Variants in SEPTIN8 observed in about 807,000 individuals in gnomAD.
SEPTIN8 encodes the protein septin-8.
In SEPTIN8, 22 loss-of-function variants were observed where a neutral mutation model predicts 53.1. That is an observed-to-expected ratio of 0.41 (90% CI 0.30 to 0.59). The LOEUF (loss-of-function observed/expected upper bound fraction) is 0.59, where lower values mean the gene tolerates loss of function less well. Among genes scored for constraint, SEPTIN8 ranks in the 20% least tolerant of loss-of-function variants. SEPTIN8 has a pLI of 0.24. For synonymous variants in SEPTIN8, 228 were observed against 248.4 expected (o/e 0.92, Z 0.77); for missense variants, 536 against 638.7 (o/e 0.84, Z 1.73).
chr5:132,763,651 T>C, intron 4 of SEPTIN8, 55 bp downstream of exon 4: 1 of 1,537,258 alleles, frequency 6.5e-7, no homozygotes, highest in East Asian at 2.3e-5. Context: ...AGCCACCACA[T>C]CGCATCGCAG....
At position 132,762,605 on chromosome 5, in the gene SEPTIN8, G is replaced by C; in HGVS notation, c.575C>G (p.Ser192Cys). The change falls in exon 5 of 10, where the codon TCC becomes TGC. Residue 192 changes from serine to cysteine, a missense_variant. By Grantham distance (112) the Ser-to-Cys change is moderately radical. Coordinates refer to ENST00000378719, the MANE Select transcript of SEPTIN8 (RefSeq NM_001098811.2). ...CTTGAACTTGTGGAGCTCGCTCTTG[G>C]AGATGGTGTCAGCCTTGGCGATGAT... ...IPIIAKADTI[S>C]KSELHKFKIK... The C allele has an allele frequency of 6.2e-7, 1 of 1,614,250 alleles. No homozygotes were observed. The highest frequency in any genetic ancestry group is 1.1e-5 in the South Asian group (1 of 91,086).
Position 132,761,370 on chromosome 5 carries a change from G to A in SEPTIN8, c.962+88C>T. ...AATCATGTGGGCACGAGGGGTAAGA[G>A]GATGTGGGGTCCCTCAGGGAACAGA... On this transcript the variant is annotated intron_variant, in intron 7 of 9. Coordinates refer to ENST00000378719, the MANE Select transcript of SEPTIN8 (RefSeq NM_001098811.2). This position sits in a 1 kb window ranked among gnomAD's most constrained non-coding sequence, Gnocchi z 5.8. The A allele has an allele frequency of 1.3e-6, 2 of 1,588,166 alleles. No homozygotes were observed.
intron 9 of SEPTIN8, chr5:132,753,188 C>T (rs1755012807): frequency 3.8e-6 from 2 of 529,680 alleles, no homozygotes; most frequent in Non-Finnish European, 6.8e-6. Flanking sequence ...GTCTGATAGA[C>T]TATGACCCTG....
At chr5:132,777,804 G>A, upstream of SEPTIN8, 1 of 985,492 alleles carries the variant, frequency 1.0e-6, no homozygotes, top group Non-Finnish European at 1.2e-6. This position sits in a 1 kb window ranked among gnomAD's most constrained non-coding sequence, Gnocchi z 4.1. Flanking sequence ...CGGGACCCGC[G>A]CGTCCGGCCA....
upstream of SEPTIN8, chr5:132,777,680 G>A (rs1200247674): frequency 6.1e-6 from 6 of 985,578 alleles, no homozygotes; most frequent in Non-Finnish European, 7.2e-6. The surrounding 1 kb of genome is among the most constrained non-coding windows in gnomAD (Gnocchi z 4.1). Flanking sequence ...ACCAACCAGA[G>A]TGTGGACAAG....
At chr5:132,775,931 C>G (rs182836812) in intron 1 of SEPTIN8, 1 of 152,278 alleles carries the variant, frequency 6.6e-6, no homozygotes, top group East Asian at 1.9e-4. Context: ...ACACCCGAGT[C>G]TAGAAATTAT....
rs1396240551 is a variant in SEPTIN8 at position 132,776,740 on chromosome 5, G to T, written c.30+368C>A. Reference sequence around the variant, plus strand: ...GCTAGGACTCTTCCCCAAGTGTGCAGAAAGAAACACCCTGGGCGATAGGGT... The same window carrying T: ...GCTAGGACTCTTCCCCAAGTGTGCATAAAGAAACACCCTGGGCGATAGGGT... On this transcript the variant is annotated intron_variant, in intron 1 of 9. Transcript: ENST00000378719. The surrounding 1 kb of genome is among the most constrained non-coding windows in gnomAD (Gnocchi z 4.4). 6.6e-6 allele frequency among the ~76,000 whole-genome samples: 1 copy of T among 152,228 alleles called. No individual in the cohort carries two copies. The highest frequency in any genetic ancestry group is 6.5e-5 in the Admixed American group (1 of 15,292).
chr5:132,765,634 G>T, intron 1 of SEPTIN8, 105 bp from the exon 2 acceptor site: 1 of 1,332,718 alleles, frequency 7.5e-7, no homozygotes, highest in Non-Finnish European at 1.0e-6. Context: ...AGCCCCACCC[G>T]ATGTCTGAAT....
At chr5:132,778,084 C>A (rs572618615), upstream of SEPTIN8, 1 of 985,398 alleles carries the variant, frequency 1.0e-6, no homozygotes, top group Admixed American at 6.1e-5. Flanking sequence ...TTAACACTTA[C>A]GCCAGGGTCG....
At position 132,777,097 on chromosome 5, in the gene SEPTIN8, G is replaced by A; in HGVS notation, c.30+11C>T. 3.4e-6 allele frequency: 4 copies of A among 1,165,970 alleles called. No individual in the cohort carries two copies. Among genetic ancestry groups the A allele is most frequent in the Non-Finnish European group, 3.2e-6 (3 of 945,252 alleles). 72.2% of individuals were successfully genotyped at this position (1,165,970 alleles called of 1,614,324 possible). On this transcript the variant is annotated intron_variant, in intron 1 of 9. Transcript: ENST00000378719. The surrounding 1 kb of genome is among the most constrained non-coding windows in gnomAD (Gnocchi z 4.1). ...CCTCCCGCGCGCGCCGTGGCCCAGCGGGGCCCTCACCGAGAAGCGCTCCAG... is the reference window on the plus strand; with the variant it reads ...CCTCCCGCGCGCGCCGTGGCCCAGCAGGGCCCTCACCGAGAAGCGCTCCAG...
chr5:132,767,715 G>A (rs1367006466), intron 1 of SEPTIN8, among the ~76,000 whole-genome samples: 1 of 152,112 alleles, frequency 6.6e-6, no homozygotes, highest in Non-Finnish European at 1.5e-5. Context: ...TTTAGTCTCT[G>A]TTCCACCTCC....
At position 132,777,107 on chromosome 5, in the gene SEPTIN8, C is replaced by G; in HGVS notation, c.30+1G>C. 8.6e-7 allele frequency: 1 copy of G among 1,168,072 alleles called. No homozygotes were observed. Among genetic ancestry groups the G allele is most frequent in the Non-Finnish European group, 1.1e-6 (1 of 946,762 alleles). The allele number at this position is 1,168,072 out of a possible 1,614,324, so 72.4% of individuals were successfully genotyped here. A position where few individuals can be genotyped will look rare whatever the true frequency, so the allele number is the denominator to read the frequency against. Reference sequence around the variant, plus strand: ...GCGCCGTGGCCCAGCGGGGCCCTCACCGAGAAGCGCTCCAGGTCGGTGGCC... The same window carrying G: ...GCGCCGTGGCCCAGCGGGGCCCTCAGCGAGAAGCGCTCCAGGTCGGTGGCC... On this transcript the variant is annotated splice_donor_variant, in intron 1 of 9. Coordinates refer to ENST00000378719, the MANE Select transcript of SEPTIN8 (RefSeq NM_001098811.2). LOFTEE classifies it high-confidence loss of function. This position sits in a 1 kb window ranked among gnomAD's most constrained non-coding sequence, Gnocchi z 4.1.
chr5:132,765,339 G>T, intron 2 of SEPTIN8, 70 bp downstream of exon 2: 13 of 1,579,534 alleles, frequency 8.2e-6, no homozygotes, highest in Non-Finnish European at 8.6e-6. Context: ...CTCAACAGGG[G>T]GCCAGAAGCA....
At chr5:132,756,554 T>A in intron 9 of SEPTIN8, 1 of 985,468 alleles carries the variant, frequency 1.0e-6, no homozygotes, top group Non-Finnish European at 1.2e-6. Flanking sequence ...GCTAACTTAC[T>A]AAACAGTGGC....
intron 3 of SEPTIN8, 38 bp downstream of exon 3, chr5:132,764,186 G>A (rs562304757): frequency 1.9e-6 from 3 of 1,579,012 alleles, no homozygotes; most frequent in African/African-American, 2.7e-5. Flanking sequence ...AGGTGGGGTG[G>A]GAGGAGGCTG....
chr5:132,762,690 G>T, intron 4 of SEPTIN8, 45 bp from the exon 5 acceptor site: 1 of 1,603,548 alleles, frequency 6.2e-7, no homozygotes, highest in South Asian at 1.1e-5. Flanking sequence ...TGGCTCTTTT[G>T]AGCGGTGGTT....
At chr5:132,770,119 A>ATG (rs1757149394) in intron 1 of SEPTIN8, among the ~76,000 whole-genome samples, 1 of 92,394 alleles carries the variant, frequency 1.1e-5, no homozygotes, top group Non-Finnish European at 1.7e-5. Context: ...GTATATATAT[A>ATG]TATATGTATA....
At chr5:132,777,813 C>A, upstream of SEPTIN8, 1 of 985,476 alleles carries the variant, frequency 1.0e-6, no homozygotes, top group Non-Finnish European at 1.2e-6. This position sits in a 1 kb window ranked among gnomAD's most constrained non-coding sequence, Gnocchi z 4.1. Context: ...CGCGTCCGGC[C>A]AGGCGGCCTT....
chr5:132,757,100 A>G (rs906264538), intron 9 of SEPTIN8: 2 of 985,236 alleles, frequency 2.0e-6, no homozygotes, highest in African/African-American at 1.7e-5. Context: ...GCAACCAGAT[A>G]CGGACTTATT....
Sources: allele counts gnomAD v4.1 joint callset (sites outside exome capture counted in the v4.1 genomes callset), GRCh38; gene constraint gnomAD v4.1.1; non-coding constraint Gnocchi (gnomAD v3.1); transcripts MANE v1.5; gene names NCBI Gene and HGNC (gene_info 2026-07-23, HGNC 2026-07-21).